GRXCR1: variants seen among roughly 807,000 people sequenced by gnomAD.
The protein encoded by GRXCR1 is glutaredoxin and cysteine rich domain containing 1.
In GRXCR1, 27 loss-of-function variants were observed where a neutral mutation model predicts 27.3. The observed-to-expected ratio is 0.99, with a 90% confidence interval of 0.73 to 1.37. The LOEUF is 1.37. Ranked by LOEUF, GRXCR1 falls within the 40% of genes most tolerant of loss-of-function variation. The probability of loss-of-function intolerance (pLI) is 0.00; values close to 1 mark genes in which losing one functional copy is unlikely to be tolerated. For missense variants in GRXCR1, 379 were observed against 354.4 expected (o/e 1.07, Z -0.56); for synonymous variants, 122 against 131.1 (o/e 0.93, Z 0.47).
chr4:42,957,389 T>C (rs1202028944), intron 1 of GRXCR1, among the ~76,000 whole-genome samples: 2 of 152,078 alleles, frequency 1.3e-5, no homozygotes, highest in African/African-American at 4.8e-5. Context: ...CTTAATACTG[T>C]GTTTGGCAAA....
At chr4:42,980,334 A>G (rs1054760306) in intron 2 of GRXCR1, among the ~76,000 whole-genome samples, 3 of 151,692 alleles carry the variant, frequency 2.0e-5, no homozygotes, top group African/African-American at 7.3e-5. Context: ...TTTGGTATGT[A>G]GTGTTTCCAT....
intron 1 of GRXCR1, among the ~76,000 whole-genome samples, chr4:42,909,993 C>A (rs1268613788): frequency 6.6e-6 from 1 of 152,046 alleles, no homozygotes; most frequent in Non-Finnish European, 1.5e-5. Flanking sequence ...GGGTAATTTA[C>A]AAAGGAAAGA....
intron 1 of GRXCR1, among the ~76,000 whole-genome samples, chr4:42,949,922 T>C (rs1327061659): frequency 2.0e-5 from 3 of 152,300 alleles, no homozygotes; most frequent in Non-Finnish European, 4.4e-5. Flanking sequence ...CTGAAATAAC[T>C]TCTCTTCATC....
chr4:42,996,888 C>G (rs191521253), intron 2 of GRXCR1, among the ~76,000 whole-genome samples: 1 of 151,970 alleles, frequency 6.6e-6, no homozygotes, highest in African/African-American at 2.4e-5. Context: ...TATGTGTACA[C>G]CTTTCTGTCT....
At chr4:42,967,242 G>C (rs1371724446) in intron 2 of GRXCR1, among the ~76,000 whole-genome samples, 1 of 152,034 alleles carries the variant, frequency 6.6e-6, no homozygotes, top group Non-Finnish European at 1.5e-5. Flanking sequence ...TTTGTGTCTA[G>C]ATTAATTTTA....
chr4:42,948,818 A>T (rs1306755571), intron 1 of GRXCR1, among the ~76,000 whole-genome samples: 2 of 152,136 alleles, frequency 1.3e-5, no homozygotes, highest in Non-Finnish European at 2.9e-5. Flanking sequence ...GGAAGGGACC[A>T]TTATCCACAG....
intron 1 of GRXCR1, among the ~76,000 whole-genome samples, chr4:42,913,850 G>A (rs953716749): frequency 6.6e-6 from 1 of 152,166 alleles, no homozygotes; most frequent in African/African-American, 2.4e-5. Flanking sequence ...CATCCCAGCT[G>A]CTTCAGCTCC....
intron 2 of GRXCR1, among the ~76,000 whole-genome samples, chr4:43,007,202 A>G (rs887924821): frequency 2.6e-5 from 4 of 152,242 alleles, no homozygotes; most frequent in Non-Finnish European, 5.9e-5. Context: ...GAGGCCACCA[A>G]TGGCAGTTAG....
At chr4:42,956,696 C>A (rs1748012060) in intron 1 of GRXCR1, among the ~76,000 whole-genome samples, 1 of 152,064 alleles carries the variant, frequency 6.6e-6, no homozygotes, top group South Asian at 2.1e-4. Context: ...AGGGAACTGG[C>A]AATGAGACTG....
At chr4:43,019,508 C>G (rs1403162712) in intron 2 of GRXCR1, among the ~76,000 whole-genome samples, 1 of 152,164 alleles carries the variant, frequency 6.6e-6, no homozygotes, top group Non-Finnish European at 1.5e-5. Context: ...ACAGTGACAA[C>G]AAGGCAGACA....
intron 1 of GRXCR1, among the ~76,000 whole-genome samples, chr4:42,924,616 C>T (rs537208490): frequency 3.9e-5 from 6 of 152,180 alleles, no homozygotes; most frequent in Admixed American, 6.6e-5. Flanking sequence ...GTTTGGAAGA[C>T]CCATTATGAA....
At chr4:42,904,864 C>T (rs1746550365) in intron 1 of GRXCR1, among the ~76,000 whole-genome samples, 1 of 152,074 alleles carries the variant, frequency 6.6e-6, no homozygotes, top group South Asian at 2.1e-4. Context: ...TAACATATGG[C>T]AAGAACTCAA....
At chr4:42,978,010 C>T (rs569245099) in intron 2 of GRXCR1, among the ~76,000 whole-genome samples, 3 of 151,946 alleles carry the variant, frequency 2.0e-5, no homozygotes, top group Non-Finnish European at 4.4e-5. Context: ...TAATTTTATT[C>T]AACATTTGGA....
At chr4:42,895,818 G>A (rs1746335712) in intron 1 of GRXCR1, among the ~76,000 whole-genome samples, 1 of 152,044 alleles carries the variant, frequency 6.6e-6, no homozygotes, top group Non-Finnish European at 1.5e-5. Context: ...AGCCCCAGGG[G>A]CTAGAAGCAG....
intron 1 of GRXCR1, among the ~76,000 whole-genome samples, chr4:42,941,527 T>C (rs1015012159): frequency 2.0e-5 from 3 of 152,024 alleles, no homozygotes; most frequent in African/African-American, 7.2e-5. Flanking sequence ...CCCACATTTG[T>C]TTTTCAGCTC....
At chr4:42,930,994 G>A (rs984921051) in intron 1 of GRXCR1, among the ~76,000 whole-genome samples, 1 of 151,876 alleles carries the variant, frequency 6.6e-6, no homozygotes, top group Non-Finnish European at 1.5e-5. Flanking sequence ...TCTGAGTGAT[G>A]ACATGGAATA....
chr4:42,999,629 A>G (rs1267876036), intron 2 of GRXCR1, among the ~76,000 whole-genome samples: 1 of 152,174 alleles, frequency 6.6e-6, no homozygotes, highest in Admixed American at 6.5e-5. Context: ...TTCCCTCAAG[A>G]TATCCCAAGA....
At chr4:42,936,003 T>G (rs17450228) in intron 1 of GRXCR1, among the ~76,000 whole-genome samples, 25,440 of 151,864 alleles carry the variant, frequency 0.17, 2,423 homozygotes, top group South Asian at 0.3. Flanking sequence ...AGAACACTTG[T>G]TGGCATTTGT....
At chr4:42,911,320 A>T (rs1222798442) in intron 1 of GRXCR1, among the ~76,000 whole-genome samples, 1 of 152,194 alleles carries the variant, frequency 6.6e-6, no homozygotes, top group Non-Finnish European at 1.5e-5. Context: ...TCTAATACAT[A>T]TAATCAAAAA....
Sources: gnomAD v4.1 joint callset for allele counts (sites outside exome capture counted in the v4.1 genomes callset) on GRCh38, gnomAD v4.1.1 for gene constraint, MANE v1.5 for transcripts, NCBI Gene and HGNC (gene_info 2026-07-23, HGNC 2026-07-21) for gene names.